The following SLC44A5 variants were observed in gnomAD, a reference collection of about 807,000 sequenced individuals.
SLC44A5 encodes solute carrier family 44 member 5, also known as choline transporter-like protein 5.
SLC44A5 carries 57 observed loss-of-function variants against 101.8 expected under a neutral mutation model. The observed-to-expected ratio is 0.56, with a 90% CI of 0.45 to 0.70. SLC44A5 has a LOEUF of 0.70. Among genes scored for constraint, SLC44A5 ranks in the 30% least tolerant of loss-of-function variants. The pLI is 0.00. For synonymous variants in SLC44A5, 281 were observed against 290.9 expected, an observed-to-expected ratio of 0.97 and a Z score of 0.35; for missense variants, 737 against 853.1, an observed-to-expected ratio of 0.86 and a Z score of 1.70.
intron 14 of SLC44A5, among the ~76,000 whole-genome samples, chr1:75,221,349 T>C (rs1406296015): frequency 2.0e-5 from 3 of 152,208 alleles, no homozygotes. Flanking sequence ...GTTACTTCCA[T>C]GCGTTATTAA....
In SLC44A5 at chr1:75,546,284, T is replaced by C. The variant is rs1187655759; in HGVS notation, c.-69-4768A>G. 1.0e-3 allele frequency among the ~76,000 whole-genome samples: 12 copies of C among 11,836 alleles called. 6 individuals are homozygous for C. Among genetic ancestry groups the C allele is most frequent in the Non-Finnish European group, 2.0e-3 (12 of 6,138 alleles). The allele number at this position is 11,836 out of a possible 152,430, so 7.8% of individuals were successfully genotyped here. ...CTGCAGTGGCGCAATCTCGGCTCAC[T>C]GCAAGCTCCGCTTCCCAGGTTCACG... On this transcript the variant is annotated intron_variant, in intron 1 of 23. Coordinates refer to ENST00000370859, the MANE Select transcript of SLC44A5 (RefSeq NM_001130058.2).
intron 2 of SLC44A5, among the ~76,000 whole-genome samples, chr1:75,474,526 TA>T (rs1404816365): frequency 6.6e-6 from 1 of 152,216 alleles, no homozygotes; most frequent in African/African-American, 2.4e-5. Flanking sequence ...TTGTCATTCA[TA>T]AAATTAAGAT....
chr1:75,555,122 A>G (rs181546438), intron 1 of SLC44A5, among the ~76,000 whole-genome samples: 289 of 152,320 alleles, frequency 1.9e-3, no homozygotes, highest in Non-Finnish European at 3.3e-3. Context: ...TAAATGCAAC[A>G]TGGTTGAACC....
chr1:75,355,442 C>G (rs1450194956), intron 3 of SLC44A5, among the ~76,000 whole-genome samples: 1 of 152,170 alleles, frequency 6.6e-6, no homozygotes, highest in Non-Finnish European at 1.5e-5. Flanking sequence ...ACCTATATCA[C>G]AACTGGAAAA....
At chr1:75,602,614 AAATCAGCAG>A (rs1184586464) in intron 1 of SLC44A5, among the ~76,000 whole-genome samples, 1 of 152,158 alleles carries the variant, frequency 6.6e-6, no homozygotes, top group African/African-American at 2.4e-5. Flanking sequence ...CAAAGGTGTT[AAATCAGCAG>A]AATCAATGTC....
chr1:75,292,741 T>G (rs1411871503), intron 5 of SLC44A5, among the ~76,000 whole-genome samples: 2 of 152,146 alleles, frequency 1.3e-5, no homozygotes, highest in Non-Finnish European at 2.9e-5. Flanking sequence ...TAAGCCCAAC[T>G]CAGTGTGGAA....
At chr1:75,312,861 C>T (rs11163089) in intron 4 of SLC44A5, among the ~76,000 whole-genome samples, 50,702 of 151,806 alleles carry the variant, frequency 0.33, 9,562 homozygotes, top group East Asian at 0.82. Context: ...TCATGACTCA[C>T]CTTGAAATAT....
chr1:75,692,185 C>CTTTTT, the SLC44A5 span, among the ~76,000 whole-genome samples: 41 of 84,764 alleles, frequency 4.8e-4, no homozygotes, highest in Admixed American at 5.8e-4. Context: ...AGATGGGATT[C>CTTTTT]TTTTTTTTTT....
At chr1:75,476,282 G>A (rs892544328) in intron 2 of SLC44A5, among the ~76,000 whole-genome samples, 8 of 152,292 alleles carry the variant, frequency 5.3e-5, no homozygotes, top group South Asian at 2.1e-4. Flanking sequence ...CAAGATGGTA[G>A]CATAGGAACA....
chr1:75,672,769 A>T, the SLC44A5 span, among the ~76,000 whole-genome samples: 1 of 152,152 alleles, frequency 6.6e-6, no homozygotes, highest in African/African-American at 2.4e-5. Context: ...CCTCAGCCGC[A>T]GTAGAATAGG....
chr1:75,715,469 T>C, the SLC44A5 span, among the ~76,000 whole-genome samples: 2 of 152,082 alleles, frequency 1.3e-5, no homozygotes, highest in Non-Finnish European at 2.9e-5. Context: ...TGGAATAGAA[T>C]AGAGAGCCCA....
chr1:75,390,010 C>T (rs991515941), intron 3 of SLC44A5, among the ~76,000 whole-genome samples: 4 of 152,020 alleles, frequency 2.6e-5, no homozygotes, highest in African/African-American at 7.2e-5. Context: ...CATAGAAATA[C>T]AAAAGATCCT....
the SLC44A5 span, among the ~76,000 whole-genome samples, chr1:75,680,092 G>T: frequency 0.076 from 11,582 of 152,058 alleles, 1,479 homozygotes; most frequent in African/African-American, 0.26. Flanking sequence ...CCCAATACAG[G>T]AGCACCCAGA....
chr1:75,567,995 T>C (rs1004574869), intron 1 of SLC44A5, among the ~76,000 whole-genome samples: 1 of 152,206 alleles, frequency 6.6e-6, no homozygotes, highest in Non-Finnish European at 1.5e-5. Flanking sequence ...TCTCGGCATA[T>C]AGTTAAATAC....
At chr1:75,537,025 A>ATATATATATAT (rs1437539277) in intron 2 of SLC44A5, among the ~76,000 whole-genome samples, 2 of 27,610 alleles carry the variant, frequency 7.2e-5, no homozygotes, top group Non-Finnish European at 4.0e-4. Context: ...AAAAAAAAAA[A>ATATATATATAT]AAAAAAAAAT....
intron 4 of SLC44A5, chr1:75,311,822 TAG>T (rs1655324849): frequency 6.6e-6 from 1 of 152,286 alleles, no homozygotes; most frequent in African/African-American, 2.4e-5. Flanking sequence ...GGCCTGCATA[TAG>T]AGGGTTCATA....
intron 2 of SLC44A5, among the ~76,000 whole-genome samples, chr1:75,489,126 G>A (rs1570433417): frequency 6.6e-6 from 1 of 152,060 alleles, no homozygotes; most frequent in South Asian, 2.1e-4. Flanking sequence ...GGGATTACAG[G>A]CCTGAAGTCA....
At chr1:75,678,939 G>C in the SLC44A5 span, among the ~76,000 whole-genome samples, 11,702 of 152,110 alleles carry the variant, frequency 0.077, 1,507 homozygotes, top group African/African-American at 0.27. Flanking sequence ...AGCTGAAAAC[G>C]AAGGCTCGAG....
chr1:75,421,146 T>C, intron 2 of SLC44A5, among the ~76,000 whole-genome samples: 1 of 152,164 alleles, frequency 6.6e-6, no homozygotes, highest in Middle Eastern at 3.4e-3. Context: ...TTATTTACCA[T>C]AAAATAGCTT....
Sources: allele counts gnomAD v4.1 joint callset (sites outside exome capture counted in the v4.1 genomes callset), GRCh38; gene constraint gnomAD v4.1.1; transcripts MANE v1.5; gene names NCBI Gene and HGNC (gene_info 2026-07-23, HGNC 2026-07-21).